Variants in LINGO2 observed in about 807,000 individuals in gnomAD.
LINGO2 encodes the protein leucine-rich repeat and immunoglobulin-like domain-containing nogo receptor-interacting protein 2.
LINGO2 carries 14 observed loss-of-function variants against 30.6 expected under a neutral mutation model. That is an observed-to-expected ratio of 0.46 (90% CI 0.30 to 0.72). LINGO2 has a LOEUF of 0.72. Ranked by LOEUF, LINGO2 falls within the 30% of genes least tolerant of loss-of-function variation. The pLI is 0.07. For synonymous variants in LINGO2, 317 were observed against 288.5 expected, an observed-to-expected ratio of 1.10 and a Z score of -1.00; for missense variants, 729 against 751.7, an observed-to-expected ratio of 0.97 and a Z score of 0.35.
intron 5 of LINGO2, among the ~76,000 whole-genome samples, chr9:27,970,107 G>T (rs1554647042): frequency 6.6e-6 from 1 of 152,168 alleles, no homozygotes; most frequent in Non-Finnish European, 1.5e-5. Flanking sequence ...TATCTGCTCT[G>T]TAATCTAGGT....
At chr9:28,885,410 TAG>T in the LINGO2 span, among the ~76,000 whole-genome samples, 124,262 of 146,002 alleles carry the variant, frequency 0.85, 52,967 homozygotes, top group Non-Finnish European at 0.89. Context: ...CATATATACA[TAG>T]ATATATATAC....
chr9:28,812,713 T>G, the LINGO2 span, among the ~76,000 whole-genome samples: 1 of 152,186 alleles, frequency 6.6e-6, no homozygotes, highest in Non-Finnish European at 1.5e-5. Flanking sequence ...CACGATGAGT[T>G]CAAAAATCAG....
At chr9:28,546,133 T>A (rs1207284509) in intron 1 of LINGO2, among the ~76,000 whole-genome samples, 1 of 151,836 alleles carries the variant, frequency 6.6e-6, no homozygotes, top group Non-Finnish European at 1.5e-5. Flanking sequence ...TGCTGATAAA[T>A]TAAGGGAGGT....
At chr9:28,794,033 C>T in the LINGO2 span, among the ~76,000 whole-genome samples, 1 of 152,066 alleles carries the variant, frequency 6.6e-6, no homozygotes, top group African/African-American at 2.4e-5. Flanking sequence ...TGACTGAGGG[C>T]GGTGGCTCAC....
At chr9:28,983,563 T>G in the LINGO2 span, among the ~76,000 whole-genome samples, 2 of 151,910 alleles carry the variant, frequency 1.3e-5, no homozygotes, top group Non-Finnish European at 2.9e-5. Context: ...AACTTGAAAG[T>G]ACTAGTATAT....
At chr9:28,002,346 G>C (rs962721025) in intron 5 of LINGO2, among the ~76,000 whole-genome samples, 1 of 151,830 alleles carries the variant, frequency 6.6e-6, no homozygotes, top group East Asian at 1.9e-4. Flanking sequence ...TCAGCAAGTG[G>C]TTCTAAATTA....
intron 4 of LINGO2, among the ~76,000 whole-genome samples, chr9:28,178,368 T>G (rs574283501): frequency 6.6e-6 from 1 of 152,278 alleles, no homozygotes. Flanking sequence ...ATGAAATGAC[T>G]TATATAAATG....
chr9:27,997,054 T>C (rs961642861), intron 5 of LINGO2, among the ~76,000 whole-genome samples: 41 of 152,212 alleles, frequency 2.7e-4, no homozygotes, highest in African/African-American at 9.2e-4. Context: ...AAAAGAGGAA[T>C]TTAATATTCA....
At chr9:29,014,453 T>C in the LINGO2 span, among the ~76,000 whole-genome samples, 1 of 152,126 alleles carries the variant, frequency 6.6e-6, no homozygotes, top group Non-Finnish European at 1.5e-5. Flanking sequence ...AATGGAGCTT[T>C]ATAGTCTTCA....
intron 1 of LINGO2, among the ~76,000 whole-genome samples, chr9:28,551,060 CCACA>C (rs1264262063): frequency 3.3e-5 from 5 of 151,724 alleles, no homozygotes; most frequent in African/African-American, 1.2e-4. Flanking sequence ...ATAGTGTTCT[CCACA>C]CATTTCTGTA....
rs544922892 is a variant in LINGO2 at position 28,139,398 on chromosome 9, A to G, written c.-86-126993T>C. On this transcript the variant is annotated intron_variant, in intron 4 of 5. Coordinates refer to ENST00000379992, the Ensembl canonical transcript of LINGO2. ...TTAACTCAAATTGTGTGGGTAGAAT[A>G]TACCTTTCTTTTTAATTTATTCCTT... is the stretch of plus-strand genomic sequence containing the variant. 9.8e-5 allele frequency among the ~76,000 whole-genome samples: 15 copies of G among 152,344 alleles called. No homozygotes were observed. The East Asian group carries it at 2.1e-3, about 22-fold the overall frequency.
chr9:28,371,229 C>T (rs12684059), intron 3 of LINGO2, among the ~76,000 whole-genome samples: 77,141 of 152,060 alleles, frequency 0.51, 20,967 homozygotes, highest in Non-Finnish European at 0.59. Flanking sequence ...GAGATGATAG[C>T]TCCATTTCAA....
chr9:28,359,236 G>C (rs147661890), intron 3 of LINGO2, among the ~76,000 whole-genome samples: 1 of 152,228 alleles, frequency 6.6e-6, no homozygotes, highest in East Asian at 1.9e-4. Context: ...GTTCCTGTCA[G>C]AGCTAGTCAC....
At chr9:28,362,225 TGTGTGCGCATGCGCATGTGTGTGCAC>T (rs1392483974) in intron 3 of LINGO2, among the ~76,000 whole-genome samples, 8 of 151,864 alleles carry the variant, frequency 5.3e-5, no homozygotes, top group African/African-American at 1.7e-4. Flanking sequence ...TGTGTGTGTG[TGTGTGCGCATGCGCATGTGTGTGCAC>T]GTGTGTGTGT....
chr9:28,819,808 T>G, the LINGO2 span, among the ~76,000 whole-genome samples: 1 of 152,136 alleles, frequency 6.6e-6, no homozygotes, highest in Non-Finnish European at 1.5e-5. Flanking sequence ...TTTATGAAGT[T>G]TCCATAGCAG....
the LINGO2 span, among the ~76,000 whole-genome samples, chr9:28,709,454 T>C: frequency 2.2e-4 from 34 of 152,198 alleles, 1 homozygote; most frequent in East Asian, 6.2e-3. Context: ...CTTTTGTATG[T>C]TTACTTTGGA....
the LINGO2 span, among the ~76,000 whole-genome samples, chr9:28,879,520 G>C: frequency 6.6e-6 from 1 of 152,106 alleles, no homozygotes; most frequent in Non-Finnish European, 1.5e-5. Flanking sequence ...GATTCTACAT[G>C]TTTCTTCCAA....
chr9:27,998,719 T>A (rs1294174898), intron 5 of LINGO2, among the ~76,000 whole-genome samples: 2 of 152,116 alleles, frequency 1.3e-5, no homozygotes, highest in Non-Finnish European at 2.9e-5. Flanking sequence ...AAGTGGAGGT[T>A]GCAGTGAGCT....
At chr9:28,451,110 A>G in intron 2 of LINGO2, among the ~76,000 whole-genome samples, 1 of 152,080 alleles carries the variant, frequency 6.6e-6, no homozygotes, top group East Asian at 1.9e-4. Context: ...ACAAAAATAC[A>G]GTTCCATATA....
Sources: gnomAD v4.1 joint callset for allele counts (sites outside exome capture counted in the v4.1 genomes callset) on GRCh38, gnomAD v4.1.1 for gene constraint, MANE v1.5 for transcripts, NCBI Gene and HGNC (gene_info 2026-07-23, HGNC 2026-07-21) for gene names.